The following TTL variants were observed in gnomAD, a reference collection of about 807,000 sequenced individuals.
TTL encodes the protein tubulin--tyrosine ligase.
Under a neutral mutation model 41.1 loss-of-function variants are expected in TTL, and 10 were observed. The observed-to-expected ratio is 0.24, with a 90% CI of 0.15 to 0.41. The LOEUF (loss-of-function observed/expected upper bound fraction) is 0.41, where lower values mean the gene tolerates loss of function less well. Ranked by LOEUF, TTL falls within the 10% of genes least tolerant of loss-of-function variation. The probability of loss-of-function intolerance (pLI) is 1.00; values close to 1 mark genes in which losing one functional copy is unlikely to be tolerated. For synonymous variants in TTL, 175 were observed against 175.5 expected, an observed-to-expected ratio of 1.00 and a Z score of 0.02; for missense variants, 367 against 460.4, an observed-to-expected ratio of 0.80 and a Z score of 1.86.
rs1181595038 is a variant in TTL, at chr2:112,536,581, C to G, written c.*7786C>G. The stretch of plus-strand genomic sequence containing the variant: ...ATTTTAAATTCTGGAGGTACATACA[C>G]AGGTTTGTTACATGGGTCCTGAGGT... On this transcript the variant is annotated 3_prime_UTR_variant, in exon 7 of 7. Coordinates refer to ENST00000233336, the MANE Select transcript of TTL (RefSeq NM_153712.5). 1 of 152,062 alleles carries G rather than the reference C, an allele frequency of 6.6e-6. No homozygotes were observed. Among genetic ancestry groups the G allele is most frequent in the African/African-American group, 2.4e-5 (1 of 41,390 alleles). The allele number at this position is 152,062 out of a possible 1,614,324, so 9.4% of individuals were successfully genotyped here. A position where few individuals can be genotyped will look rare whatever the true frequency, so the allele number is the denominator to read the frequency against.
chr2:112,492,500 G>A (rs981028423), intron 2 of TTL, among the ~76,000 whole-genome samples: 1 of 152,104 alleles, frequency 6.6e-6, no homozygotes, highest in African/African-American at 2.4e-5. Context: ...GGAGGCCGAG[G>A]CGGGTGGATC....
At position 112,536,924 on chromosome 2, in the gene TTL, C is replaced by G. The variant is rs957037713; in HGVS notation, c.*8129C>G. 26 of 152,192 alleles carry G rather than the reference C, an allele frequency of 1.7e-4. No individual in the cohort carries two copies. Among genetic ancestry groups the G allele is most frequent in the African/African-American group, 5.8e-4 (24 of 41,438 alleles). The allele number at this position is 152,192 out of a possible 1,614,324, so 9.4% of individuals were successfully genotyped here. Reference sequence around the variant, plus strand: ...TACTATATTTTCTTTATCCAATCCACTGTTGATGGGCACCTAGGTTGATTC... The same window carrying G: ...TACTATATTTTCTTTATCCAATCCAGTGTTGATGGGCACCTAGGTTGATTC... On this transcript the variant is annotated 3_prime_UTR_variant, in exon 7 of 7. Coordinates refer to ENST00000233336, the MANE Select transcript of TTL (RefSeq NM_153712.5).
At chr2:112,498,483 C>T (rs1339563715) in intron 3 of TTL, among the ~76,000 whole-genome samples, 1 of 152,150 alleles carries the variant, frequency 6.6e-6, no homozygotes, top group Non-Finnish European at 1.5e-5. Context: ...GACAGACATA[C>T]CGTGTTCATG....
At chr2:112,528,416 A>C (rs980046168) in intron 6 of TTL, among the ~76,000 whole-genome samples, 1 of 152,166 alleles carries the variant, frequency 6.6e-6, no homozygotes, top group Non-Finnish European at 1.5e-5. Flanking sequence ...CATGGGCAAC[A>C]TAGCAAGACC....
intron 5 of TTL, among the ~76,000 whole-genome samples, chr2:112,514,312 G>A (rs1471210919): frequency 6.6e-6 from 1 of 151,856 alleles, no homozygotes; most frequent in Non-Finnish European, 1.5e-5. Context: ...AACCTGGGGG[G>A]TGGAAGTTGC....
chr2:112,520,544 AG>A, intron 6 of TTL, 119 bp downstream of exon 6: 1 of 1,399,268 alleles, frequency 7.1e-7, no homozygotes, highest in Non-Finnish European at 9.7e-7. Flanking sequence ...CAGTGATAGG[AG>A]ACCCTTGGGA....
chr2:112,487,694 T>G (rs1470056286), intron 2 of TTL, among the ~76,000 whole-genome samples: 1 of 152,158 alleles, frequency 6.6e-6, no homozygotes, highest in Non-Finnish European at 1.5e-5. Context: ...CCCTTGCCCC[T>G]CGGAGGCATG....
chr2:112,526,366 C>T (rs1313827140), intron 6 of TTL, among the ~76,000 whole-genome samples: 1 of 152,276 alleles, frequency 6.6e-6, no homozygotes, highest in African/African-American at 2.4e-5. Context: ...GGAATGGTAC[C>T]AGCTCCTCTT....
chr2:112,503,403 G>GTATATATATATATA (rs61614473), intron 5 of TTL, among the ~76,000 whole-genome samples: 1 of 143,442 alleles, frequency 7.0e-6, no homozygotes, highest in Non-Finnish European at 1.5e-5. Flanking sequence ...GTGTGTGTGT[G>GTATATATATATATA]TATATATATA....
rs1465147551 is a variant in TTL, at chr2:112,539,406, A to G, written c.*10611A>G. The G allele has an allele frequency of 6.6e-6, 1 of 152,212 alleles. No individual in the cohort carries two copies. The highest frequency in any genetic ancestry group is 2.4e-5 in the African/African-American group (1 of 41,442). The allele number at this position is 152,212 out of a possible 1,614,324, so 9.4% of individuals were successfully genotyped here. A position where few individuals can be genotyped will look rare whatever the true frequency, so the allele number is the denominator to read the frequency against. The stretch of plus-strand genomic sequence containing the variant: ...ATATAATATACCACTTTAATAGAAA[A>G]AAGAGGACAAAAAGCACATGATCAT... On this transcript the variant is annotated 3_prime_UTR_variant, in exon 7 of 7. Transcript: ENST00000233336.
intron 5 of TTL, among the ~76,000 whole-genome samples, chr2:112,509,560 T>G (rs564001541): frequency 6.6e-6 from 1 of 152,112 alleles, no homozygotes. Flanking sequence ...AATATTCGGG[T>G]GGGAGTGACC....
At chr2:112,502,814 C>T in intron 4 of TTL, 98 bp from the exon 5 acceptor site, 1 of 1,392,872 alleles carries the variant, frequency 7.2e-7, no homozygotes, top group Non-Finnish European at 9.7e-7. Flanking sequence ...CCACTCCTTA[C>T]CTACCCCATA....
At position 112,538,749 on chromosome 2, in the gene TTL, T is replaced by C. The variant is rs546990704; in HGVS notation, c.*9954T>C. 6.6e-6 allele frequency: 1 copy of C among 150,906 alleles called. No individual in the cohort carries two copies. The highest frequency in any genetic ancestry group is 2.1e-4 in the South Asian group (1 of 4,738). The allele number at this position is 150,906 out of a possible 1,614,324, so 9.3% of individuals were successfully genotyped here. Reference sequence around the variant, plus strand: ...GCAGAGATCGCACAACTGCTCTCTGTCCTAGGTGACAGAGCAAGTCCTGTC... The same window carrying C: ...GCAGAGATCGCACAACTGCTCTCTGCCCTAGGTGACAGAGCAAGTCCTGTC... On this transcript the variant is annotated 3_prime_UTR_variant, in exon 7 of 7. Coordinates refer to ENST00000233336, the MANE Select transcript of TTL (RefSeq NM_153712.5).
At chr2:112,497,528 A>G (rs1009121221) in intron 3 of TTL, among the ~76,000 whole-genome samples, 2 of 152,222 alleles carry the variant, frequency 1.3e-5, no homozygotes, top group Non-Finnish European at 2.9e-5. Context: ...AAAACGATAC[A>G]TAAAATTCAA....
chr2:112,528,635 TAC>T, intron 6 of TTL, 44 bp from the exon 7 acceptor site: 1 of 1,515,678 alleles, frequency 6.6e-7, no homozygotes, highest in Admixed American at 1.7e-5. Flanking sequence ...TTTTTGCTTG[TAC>T]TTTGATGAAC....
At chr2:112,502,824 A>G (rs1681737890) in intron 4 of TTL, 88 bp from the exon 5 acceptor site, 3 of 1,457,346 alleles carry the variant, frequency 2.1e-6, no homozygotes, top group African/African-American at 2.8e-5. Context: ...CCTACCCCAT[A>G]AAAGAAGTCA....
intron 2 of TTL, 127 bp downstream of exon 2, chr2:112,486,122 C>A: frequency 1.1e-6 from 1 of 899,798 alleles, no homozygotes; most frequent in East Asian, 2.7e-5. Context: ...CAGAAGCTTC[C>A]TCTAAGCCGC....
rs546750937 is a variant in TTL at position 112,535,288 on chromosome 2, C to T, written c.*6493C>T. On this transcript the variant is annotated 3_prime_UTR_variant, in exon 7 of 7. Transcript: ENST00000233336. ...AAAAAAATCAGCAAAGAAAAATGAT[C>T]AGTGCTTCAGACACCCGTCAGACAC... is the stretch of plus-strand genomic sequence containing the variant. The T allele has an allele frequency of 6.6e-6, 1 of 151,980 alleles. No homozygotes were observed. Among genetic ancestry groups the T allele is most frequent in the Non-Finnish European group, 1.5e-5 (1 of 67,984 alleles). 9.4% of individuals were successfully genotyped at this position (151,980 alleles called of 1,614,324 possible).
At position 112,521,099 on chromosome 2, in the gene TTL, C is replaced by G. The variant is rs1574071019; in HGVS notation, c.1019+674C>G. ...AAGGAGTCAGAGAAGGCATCTTAGA[C>G]ATGGGGGGTCTGGAGCTGGGGTGCA... On this transcript the variant is annotated intron_variant, in intron 6 of 6. Transcript: ENST00000233336. The G allele has an allele frequency of 3.5e-6, 3 of 851,082 alleles. No individual in the cohort carries two copies. In the African/African-American group the frequency reaches 5.5e-5, roughly 16 times the overall value. The allele number at this position is 851,082 out of a possible 1,614,324, so 52.7% of individuals were successfully genotyped here.
Sources: gnomAD v4.1 joint callset for allele counts (sites outside exome capture counted in the v4.1 genomes callset) on GRCh38, gnomAD v4.1.1 for gene constraint, MANE v1.5 for transcripts, NCBI Gene and HGNC (gene_info 2026-07-23, HGNC 2026-07-21) for gene names.